R3HDM1: variants seen among roughly 807,000 people sequenced by gnomAD.
R3HDM1 encodes the protein R3H domain containing 1.
R3HDM1 carries 46 observed loss-of-function variants against 141.1 expected under a neutral mutation model. That is an observed-to-expected ratio of 0.33 (90% confidence interval 0.26 to 0.42). The LOEUF (loss-of-function observed/expected upper bound fraction) is 0.42, where lower values mean the gene tolerates loss of function less well. Ranked by LOEUF, R3HDM1 falls within the 10% of genes least tolerant of loss-of-function variation. R3HDM1 has a pLI of 1.00. For missense variants in R3HDM1, 1,184 were observed against 1,368.3 expected, an observed-to-expected ratio of 0.87 and a Z score of 2.12; for synonymous variants, 435 against 472.9, an observed-to-expected ratio of 0.92 and a Z score of 1.04.
chr2:135,718,820 C>T (rs2076413522), intron 24 of R3HDM1, among the ~76,000 whole-genome samples: 2 of 152,116 alleles, frequency 1.3e-5, no homozygotes, highest in East Asian at 3.9e-4. Flanking sequence ...AATTCTCTAT[C>T]TCCAAATTTT....
chr2:135,606,817 A>G (rs2060111044), intron 3 of R3HDM1: 1 of 151,678 alleles, frequency 6.6e-6, no homozygotes, highest in South Asian at 2.1e-4. Flanking sequence ...TTTGCTTTGC[A>G]ATTAAAGAAT....
intron 1 of R3HDM1, 38 bp from the exon 2 acceptor site, chr2:135,602,462 C>T: frequency 8.3e-7 from 1 of 1,206,518 alleles, no homozygotes; most frequent in African/African-American, 1.6e-5. Context: ...TTTCCCTTGG[C>T]CATTTTGTTA....
At chr2:135,557,795 T>C (rs1701066461) in intron 1 of R3HDM1, among the ~76,000 whole-genome samples, 1 of 152,200 alleles carries the variant, frequency 6.6e-6, no homozygotes, top group Non-Finnish European at 1.5e-5. Context: ...CAGGCAAGGC[T>C]GCTGACATTG....
At chr2:135,596,457 A>G (rs2059197187) in intron 1 of R3HDM1, among the ~76,000 whole-genome samples, 1 of 152,220 alleles carries the variant, frequency 6.6e-6, no homozygotes, top group Non-Finnish European at 1.5e-5. Flanking sequence ...AACCTTTTTT[A>G]TATTGGCTGG....
chr2:135,709,247 G>C (rs2075329642), intron 21 of R3HDM1, among the ~76,000 whole-genome samples, 186 bp from the exon 22 acceptor site: 1 of 152,104 alleles, frequency 6.6e-6, no homozygotes, highest in Non-Finnish European at 1.5e-5. Context: ...CTAATTTCTT[G>C]TATTTTTAGT....
At chr2:135,535,499 A>AAAATAAATAAATAAATAAAT (rs3050151) in intron 1 of R3HDM1, among the ~76,000 whole-genome samples, 2 of 143,770 alleles carry the variant, frequency 1.4e-5, no homozygotes, top group African/African-American at 5.4e-5. Flanking sequence ...CTTTGTCTCA[A>AAAATAAATAAATAAATAAAT]AAATAAATAA....
At chr2:135,665,048 A>G (rs986233133) in intron 19 of R3HDM1, among the ~76,000 whole-genome samples, 2 of 152,258 alleles carry the variant, frequency 1.3e-5, no homozygotes, top group African/African-American at 4.8e-5. Flanking sequence ...TCTAAAAGGT[A>G]GAATAATAGA....
intron 16 of R3HDM1, among the ~76,000 whole-genome samples, chr2:135,645,990 A>G (rs1165753468): frequency 1.3e-5 from 2 of 152,206 alleles, no homozygotes; most frequent in Admixed American, 1.3e-4. Flanking sequence ...TAGAATTCCC[A>G]AAAGTACTCT....
In R3HDM1 at chr2:135,660,845, C is replaced by CAA. The variant is rs11408908; in HGVS notation, c.2029-412_2029-411dup. Among the ~76,000 whole-genome samples, 366 of 100,902 alleles carry CAA rather than the reference C, an allele frequency of 3.6e-3. 5 individuals carry two copies. The highest frequency in any genetic ancestry group is 0.034 in the South Asian group (117 of 3,480). 66.2% of individuals were successfully genotyped at this position (100,902 alleles called of 152,430 possible). A position where few individuals can be genotyped will look rare whatever the true frequency, so the allele number is the denominator to read the frequency against. ...TGGGCGACAGAATGAGACTCCACCTCAAAAAAAAAAAAAACCTAAAAATAA... is the reference window on the plus strand; with the variant it reads ...TGGGCGACAGAATGAGACTCCACCTCAAAAAAAAAAAAAAAACCTAAAAATAA... On this transcript the variant is annotated intron_variant, in intron 18 of 26. Coordinates refer to ENST00000683871, the MANE Select transcript of R3HDM1 (RefSeq NM_001378107.1).
intron 1 of R3HDM1, chr2:135,584,246 T>C (rs538757793): frequency 3.7e-6 from 2 of 542,004 alleles, no homozygotes; most frequent in South Asian, 1.6e-4. Context: ...GAGGATCGCT[T>C]GAACCTGGGA....
chr2:135,666,590 G>C (rs1251323994), intron 19 of R3HDM1, among the ~76,000 whole-genome samples: 1 of 152,146 alleles, frequency 6.6e-6, no homozygotes, highest in Non-Finnish European at 1.5e-5. Context: ...GAGTTGTATA[G>C]ACTCTTCCAT....
At chr2:135,665,738 A>T (rs1384305389) in intron 19 of R3HDM1, among the ~76,000 whole-genome samples, 1 of 152,188 alleles carries the variant, frequency 6.6e-6, no homozygotes. Flanking sequence ...TTATCTAAAA[A>T]GCTTAATGTT....
chr2:135,560,352 T>C (rs1355757600), intron 1 of R3HDM1, among the ~76,000 whole-genome samples: 2 of 152,164 alleles, frequency 1.3e-5, no homozygotes, highest in African/African-American at 4.8e-5. Context: ...TTTCTGAATC[T>C]TTTTTCAGGC....
intron 1 of R3HDM1, chr2:135,543,030 C>T (rs1697954303): frequency 2.2e-6 from 2 of 927,382 alleles, no homozygotes; most frequent in South Asian, 9.9e-5. Flanking sequence ...GAGCCACTGT[C>T]CCTGGTCTAA....
At chr2:135,658,323 T>C (rs897672096) in intron 18 of R3HDM1, among the ~76,000 whole-genome samples, 1 of 152,068 alleles carries the variant, frequency 6.6e-6, no homozygotes, top group East Asian at 1.9e-4. Flanking sequence ...CGTGCCACCA[T>C]GCCCGGCTAA....
chr2:135,720,810 A>G (rs1226732043), intron 24 of R3HDM1, among the ~76,000 whole-genome samples: 1 of 152,210 alleles, frequency 6.6e-6, no homozygotes, highest in African/African-American at 2.4e-5. Flanking sequence ...CATATATTAT[A>G]TGCATAAATT....
chr2:135,621,751 T>C (rs2061531374), intron 6 of R3HDM1, 143 bp downstream of exon 6: 1 of 1,271,554 alleles, frequency 7.9e-7, no homozygotes, highest in African/African-American at 1.5e-5. Flanking sequence ...ACTTAACTCA[T>C]CTGGGCAAAA....
chr2:135,673,730 A>G (rs1308369213), intron 19 of R3HDM1, among the ~76,000 whole-genome samples: 1 of 152,218 alleles, frequency 6.6e-6, no homozygotes, highest in Non-Finnish European at 1.5e-5. Context: ...ACATGGCCAT[A>G]AAGTAGTTTT....
intron 1 of R3HDM1, among the ~76,000 whole-genome samples, chr2:135,594,012 G>A (rs891272938): frequency 3.9e-5 from 6 of 152,146 alleles, no homozygotes; most frequent in Admixed American, 2.0e-4. Context: ...GAGCCACTGC[G>A]CCTGGCCTTC....
Sources: allele counts gnomAD v4.1 joint callset (sites outside exome capture counted in the v4.1 genomes callset), GRCh38; gene constraint gnomAD v4.1.1; transcripts MANE v1.5; gene names NCBI Gene and HGNC (gene_info 2026-07-23, HGNC 2026-07-21).